HOOK1: variants seen among roughly 807,000 people sequenced by gnomAD.
HOOK1 encodes the protein hook microtubule tethering protein 1.
In HOOK1, 60 loss-of-function variants were observed where a neutral mutation model predicts 112.8. The observed-to-expected ratio is 0.53, with a 90% confidence interval of 0.43 to 0.66. The LOEUF is 0.66. HOOK1 is among the 30% of genes least tolerant of loss of function. The probability of loss-of-function intolerance (pLI) is 0.00; values close to 1 mark genes in which losing one functional copy is unlikely to be tolerated. For synonymous variants in HOOK1, 294 were observed against 283.8 expected, an observed-to-expected ratio of 1.04 and a Z score of -0.36; for missense variants, 770 against 856.0, an observed-to-expected ratio of 0.90 and a Z score of 1.25.
At chr1:59,858,780 AAGG>A (rs1207246344) in intron 13 of HOOK1, among the ~76,000 whole-genome samples, 6 of 139,370 alleles carry the variant, frequency 4.3e-5, no homozygotes, top group Admixed American at 2.2e-4. Context: ...GGAAGGAAGG[AAGG>A]AGCACGGGAG....
At chr1:59,848,258 A>G (rs2098405243) in intron 10 of HOOK1, 57 bp from the exon 11 acceptor site, 1 of 1,204,406 alleles carries the variant, frequency 8.3e-7, no homozygotes, top group Non-Finnish European at 1.2e-6. Flanking sequence ...TAGCCAGAGT[A>G]AAATTATGAG....
At chr1:59,833,362 C>T (rs781479752) in intron 4 of HOOK1, 43 bp from the exon 5 acceptor site, 2 of 1,382,360 alleles carry the variant, frequency 1.4e-6, no homozygotes, top group South Asian at 2.0e-5. Flanking sequence ...AAATTCTTTG[C>T]AGCCGACATA....
chr1:59,820,701 A>G (rs761516903), intron 1 of HOOK1, among the ~76,000 whole-genome samples: 2 of 152,180 alleles, frequency 1.3e-5, no homozygotes, highest in Non-Finnish European at 2.9e-5. Flanking sequence ...CATTTTGTGC[A>G]TACTGTAATC....
chr1:59,840,500 A>G (rs2098400519), intron 8 of HOOK1, 109 bp downstream of exon 8: 3 of 500,922 alleles, frequency 6.0e-6, no homozygotes, highest in Non-Finnish European at 9.9e-6. Context: ...GTTTGACTTC[A>G]TGGAGGTAAC....
chr1:59,846,574 CCTTCCTTCCTTCCTCCCT>C (rs2098404032), intron 9 of HOOK1, among the ~76,000 whole-genome samples: 1 of 85,380 alleles, frequency 1.2e-5, no homozygotes, highest in African/African-American at 5.0e-5. Flanking sequence ...TTCCTTCCTT[CCTTCCTTCCTTCCTCCCT>C]CCTCCCTCCC....
chr1:59,862,479 G>A (rs902035222), intron 15 of HOOK1, among the ~76,000 whole-genome samples: 3 of 152,104 alleles, frequency 2.0e-5, no homozygotes, highest in African/African-American at 7.2e-5. Flanking sequence ...GAAAAATTGA[G>A]CTGGTTTTCT....
intron 3 of HOOK1, among the ~76,000 whole-genome samples, chr1:59,831,531 C>G (rs1465523648): frequency 1.3e-5 from 2 of 152,158 alleles, no homozygotes; most frequent in East Asian, 1.9e-4. Flanking sequence ...GTCAAAGGAA[C>G]CATTTTACAC....
intron 1 of HOOK1, among the ~76,000 whole-genome samples, chr1:59,817,859 C>T (rs1026590924): frequency 6.6e-6 from 1 of 152,082 alleles, no homozygotes. Flanking sequence ...TAAAGTAATC[C>T]AGTTGGCTTT....
intron 1 of HOOK1, among the ~76,000 whole-genome samples, chr1:59,821,158 T>A (rs529365136): frequency 1.3e-5 from 2 of 152,324 alleles, no homozygotes; most frequent in African/African-American, 4.8e-5. Flanking sequence ...AAGTTTATGA[T>A]CCATTTTAGC....
chr1:59,866,376 T>C (rs1425385507), intron 19 of HOOK1, among the ~76,000 whole-genome samples: 1 of 152,218 alleles, frequency 6.6e-6, no homozygotes, highest in Non-Finnish European at 1.5e-5. Flanking sequence ...GCTTTTTAAA[T>C]GTATTTGAAA....
At chr1:59,851,931 A>G (rs2098407362) in intron 12 of HOOK1, among the ~76,000 whole-genome samples, 1 of 151,656 alleles carries the variant, frequency 6.6e-6, no homozygotes, top group South Asian at 2.1e-4. Context: ...GAGATGATAT[A>G]TAGTATTTGT....
chr1:59,862,527 GCCA>G (rs2098414165), intron 15 of HOOK1, among the ~76,000 whole-genome samples: 1 of 151,960 alleles, frequency 6.6e-6, no homozygotes, highest in Non-Finnish European at 1.5e-5. Context: ...GAAATTTTTT[GCCA>G]CCGACATTTA....
intron 12 of HOOK1, among the ~76,000 whole-genome samples, chr1:59,852,496 CTCCTT>C (rs910567684): frequency 6.8e-6 from 1 of 146,732 alleles, no homozygotes; most frequent in African/African-American, 2.5e-5. Flanking sequence ...GTGATATCCT[CTCCTT>C]TATTTGTGAT....
At position 59,848,347 on chromosome 1, in the gene HOOK1, C is replaced by A; in HGVS notation, c.962C>A (p.Ser321Ter). The A allele has an allele frequency of 1.2e-6, 2 of 1,610,818 alleles. No individual in the cohort carries two copies. The highest frequency in any genetic ancestry group is 2.2e-5 in the South Asian group (2 of 90,922). Residue 321 changes from serine to a stop codon, truncating the protein, a stop_gained, in exon 11 of 22, where the codon TCA (serine) becomes TAA (stop). Coordinates refer to ENST00000371208, the MANE Select transcript of HOOK1 (RefSeq NM_015888.6). LOFTEE classifies it high-confidence loss of function. ...ATSDKANKLESTVEIYRQKLQ... is the reference protein window; with the variant it reads ...ATSDKANKLE ...TCTGATAAAGCAAATAAACTGGAGT[C>A]AACAGTTGAGATATATCGTCAGAAG...
chr1:59,822,504 G>T (rs529602633), intron 2 of HOOK1, among the ~76,000 whole-genome samples: 1 of 152,206 alleles, frequency 6.6e-6, no homozygotes, highest in African/African-American at 2.4e-5. Context: ...TTGTGTTTAG[G>T]CTGGACCCAT....
chr1:59,874,935 C>G lies in HOOK1; in HGVS notation c.*1970C>G, dbSNP rs1043907556. The G allele has an allele frequency of 6.6e-6, 1 of 152,548 alleles. No homozygotes were observed. The highest frequency in any genetic ancestry group is 2.4e-5 in the African/African-American group (1 of 41,444). 9.4% of individuals were successfully genotyped at this position (152,548 alleles called of 1,614,324 possible). ...TCAGGGTTACTTCTGTTGACTACCT[C>G]TTAGATTTTGATACAGTTATATTGT... On this transcript the variant is annotated 3_prime_UTR_variant, in exon 22 of 22. Coordinates refer to ENST00000371208, the MANE Select transcript of HOOK1 (RefSeq NM_015888.6).
intron 1 of HOOK1, among the ~76,000 whole-genome samples, chr1:59,816,636 A>G (rs1460893904): frequency 6.6e-6 from 1 of 152,240 alleles, no homozygotes; most frequent in African/African-American, 2.4e-5. Context: ...TCTTTTAACC[A>G]GAATTTATTG....
chr1:59,822,272 G>A (rs1179573612), intron 2 of HOOK1, among the ~76,000 whole-genome samples: 2 of 152,100 alleles, frequency 1.3e-5, no homozygotes, highest in African/African-American at 4.8e-5. Flanking sequence ...TGCTTATGGT[G>A]TTTTCTTTGG....
Position 59,864,655 on chromosome 1 carries a change from G to T in HOOK1, c.1650G>T (p.Leu550Phe). 6.5e-7 allele frequency: 1 copy of T among 1,544,806 alleles called. No homozygotes were observed. Reference sequence around the variant, plus strand: ...AGTCCAGCAAATTAAAGCAGAAGTTGGAAGCTCATATGTAAGTAAAACTGA... The same window carrying T: ...AGTCCAGCAAATTAAAGCAGAAGTTTGAAGCTCATATGTAAGTAAAACTGA... Reference protein sequence around the residue: ...GESSSKLKQKLEAHMEKLTEV... With the variant: ...GESSSKLKQKFEAHMEKLTEV... Residue 550 changes from leucine (L) to phenylalanine (F), a missense_variant, in exon 17 of 22, where the codon TTG becomes TTT. This residue lies in a region of HOOK1 where 655 missense variants were observed against 725.9 expected (regional missense o/e 0.90). Coordinates refer to ENST00000371208, the MANE Select transcript of HOOK1 (RefSeq NM_015888.6).
Sources: allele counts gnomAD v4.1 joint callset (sites outside exome capture counted in the v4.1 genomes callset), GRCh38; gene constraint gnomAD v4.1.1; regional missense constraint gnomAD v4.1.1; transcripts MANE v1.5; gene names NCBI Gene and HGNC (gene_info 2026-07-23, HGNC 2026-07-21).